The following GRK6 variants were observed in gnomAD, a reference collection of about 807,000 sequenced individuals.
GRK6 encodes the protein G protein-coupled receptor kinase 6.
In GRK6, 37 loss-of-function variants were observed where a neutral mutation model predicts 80.8. The ratio of observed to expected loss-of-function variants is 0.46; its 90% confidence interval spans 0.35 to 0.60. The LOEUF is 0.60. GRK6 is among the 20% of genes least tolerant of loss of function. GRK6 has a pLI of 0.00. For missense variants in GRK6, 560 were observed against 784.6 expected (o/e 0.71, Z 3.42); for synonymous variants, 295 against 320.9 (o/e 0.92, Z 0.86).
chr5:177,431,072 G>A (rs996597888), intron 2 of GRK6, 105 bp downstream of exon 2: 1 of 848,496 alleles, frequency 1.2e-6, no homozygotes, highest in Non-Finnish European at 1.9e-6. Context: ...AGACTTGGGG[G>A]CTCCAGTGAG....
intron 5 of GRK6, 41 bp downstream of exon 5, chr5:177,432,847 C>A (rs2731664): frequency 0.5 from 732,663 of 1,479,600 alleles, 186,060 homozygotes; most frequent in Non-Finnish European, 0.53. Flanking sequence ...TTATGCCCAG[C>A]GGAGGGGGCT....
At chr5:177,434,176 G>A in intron 9 of GRK6, 72 bp downstream of exon 9, 2 of 1,406,064 alleles carry the variant, frequency 1.4e-6, no homozygotes, top group Non-Finnish European at 1.9e-6. Context: ...CTGGACGGGG[G>A]TGGCCAAGGC....
intron 2 of GRK6, 43 bp downstream of exon 2, chr5:177,431,010 C>A: frequency 6.4e-7 from 1 of 1,551,262 alleles, no homozygotes; most frequent in Non-Finnish European, 8.8e-7. Flanking sequence ...GCGAGGGGCC[C>A]TGCTGGGGCC....
chr5:177,441,200 G>A (rs1183555581), intron 15 of GRK6, 147 bp downstream of exon 15: 1 of 1,480,742 alleles, frequency 6.8e-7, no homozygotes, highest in East Asian at 2.4e-5. Flanking sequence ...ATTCCCGCCT[G>A]TCCCCCACCC....
intron 13 of GRK6, among the ~76,000 whole-genome samples, chr5:177,437,611 T>C (rs1764222861): frequency 1.3e-5 from 2 of 151,862 alleles, no homozygotes; most frequent in African/African-American, 4.8e-5. Context: ...CACCGTGGAG[T>C]GTATTGGTTC....
At chr5:177,432,944 C>T in intron 5 of GRK6, 138 bp downstream of exon 5, 2 of 801,120 alleles carry the variant, frequency 2.5e-6, no homozygotes, top group Non-Finnish European at 4.1e-6. Flanking sequence ...GCTGTGTGAC[C>T]TGAGCAGGCT....
intron 13 of GRK6, among the ~76,000 whole-genome samples, chr5:177,437,912 C>T (rs1015905607): frequency 3.3e-5 from 5 of 152,222 alleles, no homozygotes; most frequent in African/African-American, 1.2e-4. Flanking sequence ...ATGACACACA[C>T]GTTTATTGAT....
chr5:177,426,894 GA>G lies in GRK6; in HGVS notation c.51del (p.Gly18ValfsTer60). 7.2e-7 allele frequency: 1 copy of G among 1,396,228 alleles called. No homozygotes were observed. Among genetic ancestry groups the G allele is most frequent in the Admixed American group, 2.4e-5 (1 of 41,186 alleles). The allele number at this position is 1,396,228 out of a possible 1,614,324, so 86.5% of individuals were successfully genotyped here. A position where few individuals can be genotyped will look rare whatever the true frequency, so the allele number is the denominator to read the frequency against. ...VANTVLLKAR[E>X]GGGGNRKGKS... ...GAACACGGTGCTACTCAAGGCCCGG[GA>G]AGGTGAGGCGGCCGGGTGGGCGGCC... On this transcript the variant is annotated frameshift_variant and splice_region_variant, in exon 1 of 16. Transcript: ENST00000355472. LOFTEE classifies it high-confidence loss of function.
At chr5:177,432,356 G>A (rs780215967) in intron 4 of GRK6, 46 bp downstream of exon 4, 17 of 1,567,814 alleles carry the variant, frequency 1.1e-5, no homozygotes, top group East Asian at 2.2e-5. Flanking sequence ...CCAGAGCCCC[G>A]TGTCAGGCAC....
In GRK6 at chr5:177,431,822, C is replaced by T. The variant is rs545079577; in HGVS notation, c.149-173C>T. On this transcript the variant is annotated intron_variant, in intron 2 of 15. Transcript: ENST00000355472. The stretch of plus-strand genomic sequence containing the variant: ...GTTAGCCTCTCTGGGCCTCACAGCC[C>T]CAAAACAGCTGTGCCCACCTGAGGG... 6 of 641,076 alleles carry T rather than the reference C, an allele frequency of 9.4e-6. No homozygotes were observed. In the African/African-American group the frequency reaches 1.1e-4, roughly 12 times the overall value. The allele number at this position is 641,076 out of a possible 1,614,324, so 39.7% of individuals were successfully genotyped here. A position where few individuals can be genotyped will look rare whatever the true frequency, so the allele number is the denominator to read the frequency against.
intron 1 of GRK6, among the ~76,000 whole-genome samples, 157 bp downstream of exon 1, chr5:177,427,054 C>T (rs1763701291): frequency 2.0e-5 from 3 of 152,074 alleles, no homozygotes; most frequent in Admixed American, 2.0e-4. Flanking sequence ...CCGTCGTCTT[C>T]CTCCTCCGCA....
chr5:177,428,014 C>A lies in GRK6; in HGVS notation c.52+1117C>A, dbSNP rs1763738209. ...ATAGGAAGCCCAGAGGAACTTTCAG[C>A]TGGGTGCTACACCTGGCACCCCGTG... On this transcript the variant is annotated intron_variant, in intron 1 of 15. Coordinates refer to ENST00000355472, the MANE Select transcript of GRK6 (RefSeq NM_001004106.3). The surrounding 1 kb of genome is among the most constrained non-coding windows in gnomAD (Gnocchi z 4.1). Among the ~76,000 whole-genome samples, 1 of 152,256 alleles carries A rather than the reference C, an allele frequency of 6.6e-6. No homozygotes were observed.
chr5:177,437,245 G>A (rs1347989956), intron 13 of GRK6, among the ~76,000 whole-genome samples: 2 of 152,108 alleles, frequency 1.3e-5, no homozygotes, highest in African/African-American at 2.4e-5. Flanking sequence ...GTGAGCCATC[G>A]CGCCTGCCCT....
chr5:177,430,464 C>T (rs1490218400), intron 1 of GRK6, among the ~76,000 whole-genome samples: 1 of 152,226 alleles, frequency 6.6e-6, no homozygotes, highest in Non-Finnish European at 1.5e-5. Flanking sequence ...CCATGCTGCC[C>T]TGTGCGTCTC....
Position 177,440,685 on chromosome 5 carries a change from C to T in GRK6, c.1405-15C>T, listed in dbSNP as rs1764439598. 6.2e-7 allele frequency: 1 copy of T among 1,613,172 alleles called. No homozygotes were observed. The highest frequency in any genetic ancestry group is 1.1e-5 in the South Asian group (1 of 91,076). On this transcript the variant is annotated splice_polypyrimidine_tract_variant and intron_variant, in intron 13 of 15. Coordinates refer to ENST00000355472, the MANE Select transcript of GRK6 (RefSeq NM_001004106.3). ...GTGTGTGTTTCCTATCTGACCGTTG[C>T]CTCTGTCCCACCAGCCCCAGGCCAT...
intron 13 of GRK6, 47 bp downstream of exon 13, chr5:177,436,577 G>T: frequency 6.6e-7 from 1 of 1,505,272 alleles, no homozygotes; most frequent in Non-Finnish European, 8.9e-7. Flanking sequence ...GCCAGGGCTG[G>T]GGCTCAGGGG....
chr5:177,430,259 G>T (rs933452524), intron 1 of GRK6, among the ~76,000 whole-genome samples: 1 of 152,150 alleles, frequency 6.6e-6, no homozygotes, highest in Non-Finnish European at 1.5e-5. Flanking sequence ...GCAGGCAATC[G>T]AACTGCTGCT....
intron 13 of GRK6, among the ~76,000 whole-genome samples, chr5:177,440,239 G>A (rs1311423450): frequency 6.6e-6 from 1 of 152,246 alleles, no homozygotes; most frequent in African/African-American, 2.4e-5. Flanking sequence ...CTGGGGAGGT[G>A]GAGCAGTGGG....
At position 177,433,983 on chromosome 5, in the gene GRK6, G is replaced by A. The variant is rs781067073; in HGVS notation, c.808G>A (p.Asp270Asn). The A allele has an allele frequency of 1.2e-6, 2 of 1,612,722 alleles. No homozygotes were observed. Among genetic ancestry groups the A allele is most frequent in the East Asian group, 2.2e-5 (1 of 44,868 alleles). Residue 270 changes from aspartate to asparagine, a missense_variant, in exon 9 of 16, where the codon GAC becomes AAC. This residue lies in a region of GRK6 where 77 missense variants were observed against 156.9 expected (regional missense o/e 0.49). Transcript: ENST00000355472. ...CLVLTLMNGG[D>N]LKFHIYHMGQ... ...GGTGCTGACACTGATGAACGGGGGC[G>A]ACCTCAAGTTCCACATCTACCACAT...
Sources: gnomAD v4.1 joint callset for allele counts (sites outside exome capture counted in the v4.1 genomes callset) on GRCh38, gnomAD v4.1.1 for gene constraint, gnomAD v4.1.1 regional missense constraint, Gnocchi (gnomAD v3.1) non-coding constraint, MANE v1.5 for transcripts, NCBI Gene and HGNC (gene_info 2026-07-23, HGNC 2026-07-21) for gene names.